Variants in LGALS4 observed in about 807,000 individuals in gnomAD.
The protein encoded by LGALS4 is galectin-4.
In LGALS4, 37 loss-of-function variants were observed where a neutral mutation model predicts 39.6. That is an observed-to-expected ratio of 0.93 (90% confidence interval 0.72 to 1.23). The LOEUF (loss-of-function observed/expected upper bound fraction) is 1.23. Among genes scored for constraint, LGALS4 ranks in the 50% most tolerant of loss-of-function variants. The pLI is 0.00. For synonymous variants in LGALS4, 160 were observed against 165.5 expected (o/e 0.97, Z 0.25); for missense variants, 397 against 433.2 (o/e 0.92, Z 0.74).
intron 7 of LGALS4, 51 bp from the exon 8 acceptor site, chr19:38,802,455 G>A (rs1290829952): frequency 1.5e-6 from 2 of 1,362,690 alleles, no homozygotes; most frequent in African/African-American, 2.9e-5. Context: ...AGCAGAGCCA[G>A]ATGTGGGAAG....
chr19:38,804,173 G>A (rs1267305540), intron 4 of LGALS4, among the ~76,000 whole-genome samples: 1 of 152,140 alleles, frequency 6.6e-6, no homozygotes, highest in Non-Finnish European at 1.5e-5. Flanking sequence ...CTGTCCCGGG[G>A]CCCTCACTCG....
chr19:38,803,609 C>T, intron 6 of LGALS4, 58 bp from the exon 7 acceptor site: 3 of 1,602,756 alleles, frequency 1.9e-6, no homozygotes, highest in Non-Finnish European at 2.6e-6. Context: ...ATCTATGACA[C>T]ACCCATTAGA....
At position 38,803,613 on chromosome 19, in the gene LGALS4, C is replaced by CATT. The variant is rs770938088; in HGVS notation, c.541-65_541-63dup. ...AGTCGACAGATATCTATGACACACC[C>CATT]ATTAGACTCCGGCGTTTCTCTAGGT... On this transcript the variant is annotated intron_variant, in intron 6 of 9. Coordinates refer to ENST00000307751, the MANE Select transcript of LGALS4 (RefSeq NM_006149.4). 8.2e-5 allele frequency: 132 copies of CATT among 1,600,838 alleles called. No individual in the cohort carries two copies. In the East Asian group the frequency reaches 2.9e-3, roughly 35 times the overall value.
intron 2 of LGALS4, among the ~76,000 whole-genome samples, chr19:38,810,067 G>A (rs1356566738): frequency 6.6e-6 from 1 of 152,194 alleles, no homozygotes. Context: ...CTGCCTGGAA[G>A]GCCCTTCCCT....
rs1971358110 is a variant in LGALS4, at chr19:38,801,757, G to A, written c.*7C>T. The stretch of plus-strand genomic sequence containing the variant: ...GTTTTCCCATGAGTTATGGCCCCAG[G>A]AATAGATTAGATCTGGACATAGGAC... On this transcript the variant is annotated 3_prime_UTR_variant, in exon 10 of 10. Transcript: ENST00000307751. 1.9e-6 allele frequency: 3 copies of A among 1,613,918 alleles called. No homozygotes were observed. Among genetic ancestry groups the A allele is most frequent in the Non-Finnish European group, 2.5e-6 (3 of 1,179,970 alleles).
intron 3 of LGALS4, among the ~76,000 whole-genome samples, chr19:38,808,121 A>T (rs1021717505): frequency 2.0e-5 from 3 of 151,666 alleles, no homozygotes; most frequent in African/African-American, 4.8e-5. Context: ...TCAATAAATA[A>T]AAATAAATAA....
chr19:38,803,816 G>T, intron 5 of LGALS4, 36 bp from the exon 6 acceptor site: 1 of 1,613,554 alleles, frequency 6.2e-7, no homozygotes, highest in Non-Finnish European at 8.5e-7. Flanking sequence ...GGGTGAGAGG[G>T]GCTGAGGGAC....
intron 1 of LGALS4, 154 bp downstream of exon 1, chr19:38,812,688 G>A: frequency 1.0e-6 from 1 of 963,910 alleles, no homozygotes; most frequent in Admixed American, 1.8e-5. Context: ...GACAGCCTGA[G>A]GTCAGGGTAG....
rs375956900 is a variant in LGALS4 at position 38,803,877 on chromosome 19, G to T, written c.493C>A (p.Pro165Thr). Residue 165 changes from proline to threonine, a missense_variant, in exon 5 of 10, where the codon CCT becomes ACT. Physicochemically the swap from Pro to Thr is conservative, Grantham distance 38. Transcript: ENST00000307751. ...TATCAGCAAGTACTTACAGGGTAAGGTGGCATCATCGGGGGTCCCTGTGGG... is the reference window on the plus strand; with the variant it reads ...TATCAGCAAGTACTTACAGGGTAAGTTGGCATCATCGGGGGTCCCTGTGGG... ...LRPQGPPMMP[P>T]YPGPGHCHQQ... 3.1e-6 allele frequency: 5 copies of T among 1,611,078 alleles called. No homozygotes were observed. The African/African-American group carries it at 4.0e-5, about 13-fold the overall frequency.
intron 1 of LGALS4, 101 bp downstream of exon 1, chr19:38,812,734 TCAGACCA>T (rs1212083948): frequency 8.0e-7 from 1 of 1,256,846 alleles, no homozygotes; most frequent in Non-Finnish European, 1.1e-6. Context: ...TTTGGGTAAA[TCAGACCA>T]CAGAGTCAGA....
In LGALS4 at chr19:38,808,809, T is replaced by C; in HGVS notation, c.274A>G (p.Ser92Gly). ...GKWGSEERKR[S>G]MPFKKGAAFE... is the part of the protein sequence containing the mutation. The stretch of plus-strand genomic sequence containing the variant: ...GCGGCACCCTTTTTGAAGGGCATGC[T>C]CCTCTTCCTCTCCTCGCTGCCCCAC... Residue 92 changes from serine to glycine, a missense_variant, in exon 3 of 10, where the codon AGC becomes GGC. Transcript: ENST00000307751. The C allele has an allele frequency of 6.2e-7, 1 of 1,614,056 alleles. No homozygotes were observed.
At chr19:38,812,749 A>G (rs1237305279) in intron 1 of LGALS4, 93 bp downstream of exon 1, 1 of 1,426,576 alleles carries the variant, frequency 7.0e-7, no homozygotes, top group African/African-American at 1.4e-5. Context: ...CCACAGAGTC[A>G]GATGGGGCCC....
intron 2 of LGALS4, among the ~76,000 whole-genome samples, chr19:38,810,641 C>T (rs973068355): frequency 5.9e-5 from 9 of 152,086 alleles, no homozygotes; most frequent in African/African-American, 2.2e-4. Flanking sequence ...GGATTACAGA[C>T]GTGAGCCACC....
intron 3 of LGALS4, among the ~76,000 whole-genome samples, chr19:38,807,618 C>G (rs889643235): frequency 6.6e-6 from 1 of 152,054 alleles, no homozygotes; most frequent in Admixed American, 6.5e-5. Flanking sequence ...GTGTACCCAA[C>G]AGCTCCGAAG....
chr19:38,806,319 G>A, intron 4 of LGALS4, 142 bp downstream of exon 4: 1 of 858,254 alleles, frequency 1.2e-6, no homozygotes, highest in Non-Finnish European at 1.7e-6. Flanking sequence ...AGTGAGCCAA[G>A]ATCGCGCCAC....
chr19:38,812,304 GGT>G, intron 2 of LGALS4, 125 bp downstream of exon 2: 1 of 734,424 alleles, frequency 1.4e-6, no homozygotes, highest in Non-Finnish European at 2.3e-6. Context: ...CTGGCTATTG[GGT>G]GGGGCAGAAA....
intron 4 of LGALS4, among the ~76,000 whole-genome samples, chr19:38,806,016 G>A (rs991271585): frequency 1.3e-5 from 2 of 151,998 alleles, no homozygotes; most frequent in African/African-American, 4.8e-5. Flanking sequence ...AGGTTGCAGT[G>A]AGCCAGAATC....
rs749280227 is a variant in LGALS4, at chr19:38,802,420, G to C, written c.571-16C>G. 2 of 1,601,758 alleles carry C rather than the reference G, an allele frequency of 1.2e-6. No homozygotes were observed. The highest frequency in any genetic ancestry group is 1.7e-6 in the Non-Finnish European group (2 of 1,168,860). ...ATGGCACAGGCTGTGGGAAGAGAAC[G>C]GGGGGTCCCATTCTCTCTCAGCTTA... On this transcript the variant is annotated splice_polypyrimidine_tract_variant and intron_variant, in intron 7 of 9. Transcript: ENST00000307751.
chr19:38,809,019 C>G, intron 2 of LGALS4, 71 bp from the exon 3 acceptor site: 1 of 1,334,184 alleles, frequency 7.5e-7, no homozygotes, highest in Non-Finnish European at 1.0e-6. Context: ...CCAGGAAGCC[C>G]TCTCCCTGCC....
Sources: gnomAD v4.1 joint callset for allele counts (sites outside exome capture counted in the v4.1 genomes callset) on GRCh38, gnomAD v4.1.1 for gene constraint, MANE v1.5 for transcripts, NCBI Gene and HGNC (gene_info 2026-07-23, HGNC 2026-07-21) for gene names.